Variants in NCKAP5 observed in about 807,000 individuals in gnomAD.
NCKAP5 encodes NCK associated protein 5, also known as nck-associated protein 5.
NCKAP5 carries 92 observed loss-of-function variants against 167.0 expected under a neutral mutation model. That is an observed-to-expected ratio of 0.55 (90% CI 0.47 to 0.66). The LOEUF is 0.66. Ranked by LOEUF, NCKAP5 falls within the 30% of genes least tolerant of loss-of-function variation. The pLI is 0.00. For missense variants in NCKAP5, 2,378 were observed against 2,315.0 expected (o/e 1.03, Z -0.56); for synonymous variants, 891 against 877.4 (o/e 1.02, Z -0.27).
chr2:132,856,345 AGCG>A lies in NCKAP5; in HGVS notation c.807+4144_807+4146del, dbSNP rs1164582203. Among the ~76,000 whole-genome samples, 328 of 152,318 alleles carry A rather than the reference AGCG, an allele frequency of 2.2e-3. 2 individuals carry two copies. Among genetic ancestry groups the A allele is most frequent in the African/African-American group, 7.4e-3 (307 of 41,574 alleles). On this transcript the variant is annotated intron_variant, in intron 11 of 19. Coordinates refer to ENST00000409261, the MANE Select transcript of NCKAP5 (RefSeq NM_207363.3). Reference sequence around the variant, plus strand: ...AAAATAAAGACTAAGAGAAAAAAAAAGCGGAACAAGTAGAATGTAAAAGCCCTC... The same window carrying A: ...AAAATAAAGACTAAGAGAAAAAAAAAGAACAAGTAGAATGTAAAAGCCCTC...
At chr2:133,049,300 C>T (rs1257391786) in intron 6 of NCKAP5, among the ~76,000 whole-genome samples, 2 of 152,140 alleles carry the variant, frequency 1.3e-5, no homozygotes. Flanking sequence ...AATCCCAACA[C>T]TTTGGGAAGC....
intron 7 of NCKAP5, among the ~76,000 whole-genome samples, chr2:132,984,753 T>C (rs929184096): frequency 2.0e-5 from 3 of 151,762 alleles, no homozygotes; most frequent in African/African-American, 7.3e-5. Flanking sequence ...TCACAAAGCA[T>C]TAATAAGCCA....
At chr2:132,727,433 TG>T (rs1166418791) in intron 18 of NCKAP5, among the ~76,000 whole-genome samples, 1 of 152,194 alleles carries the variant, frequency 6.6e-6, no homozygotes, top group Non-Finnish European at 1.5e-5. Flanking sequence ...CTGTGCAAAG[TG>T]TGTTCCATGG....
chr2:132,800,062 A>G (rs1684908673), intron 11 of NCKAP5, among the ~76,000 whole-genome samples: 1 of 152,208 alleles, frequency 6.6e-6, no homozygotes, highest in Non-Finnish European at 1.5e-5. Context: ...CATAATATAC[A>G]GGCATGTGTG....
chr2:133,402,269 C>T (rs1688152978), intron 3 of NCKAP5, among the ~76,000 whole-genome samples: 1 of 152,098 alleles, frequency 6.6e-6, no homozygotes, highest in Non-Finnish European at 1.5e-5. Flanking sequence ...TCCAGAAAAA[C>T]CCTAAAATAG....
intron 19 of NCKAP5, among the ~76,000 whole-genome samples, chr2:132,684,831 G>A (rs530824588): frequency 6.6e-6 from 1 of 152,236 alleles, no homozygotes; most frequent in East Asian, 1.9e-4. Context: ...CAGAGGGAGA[G>A]GGCACTGCTT....
chr2:133,309,577 T>C (rs186731275), intron 3 of NCKAP5, among the ~76,000 whole-genome samples: 177 of 152,374 alleles, frequency 1.2e-3, no homozygotes, highest in Non-Finnish European at 2.1e-3. Context: ...CTAAAACTTA[T>C]GCAAATTAGA....
chr2:133,369,996 C>T (rs187056515), intron 3 of NCKAP5, among the ~76,000 whole-genome samples: 19 of 152,248 alleles, frequency 1.2e-4, no homozygotes, highest in Middle Eastern at 3.4e-3. Context: ...AAACAGACAG[C>T]GCTTTGAATT....
At chr2:133,518,209 T>C (rs1390713438) in intron 2 of NCKAP5, among the ~76,000 whole-genome samples, 2 of 152,110 alleles carry the variant, frequency 1.3e-5, no homozygotes, top group Non-Finnish European at 2.9e-5. Flanking sequence ...ATCCCTGAAC[T>C]CCACTGAGAT....
chr2:132,943,096 C>G (rs1697422826), intron 8 of NCKAP5, among the ~76,000 whole-genome samples: 1 of 152,188 alleles, frequency 6.6e-6, no homozygotes, highest in Admixed American at 6.5e-5. Flanking sequence ...GGGTCTGAAC[C>G]TACCAGGGTC....
At chr2:133,602,314 A>G in the NCKAP5 span, among the ~76,000 whole-genome samples, 1 of 152,264 alleles carries the variant, frequency 6.6e-6, no homozygotes, top group South Asian at 2.1e-4. Flanking sequence ...AGCAAAGAAG[A>G]GAAGAATGAG....
chr2:133,010,500 CCT>C (rs1291920690), intron 6 of NCKAP5, among the ~76,000 whole-genome samples: 1 of 152,172 alleles, frequency 6.6e-6, no homozygotes, highest in Admixed American at 6.5e-5. Flanking sequence ...ATTTGCAGCC[CCT>C]GTCTCATTAT....
intron 3 of NCKAP5, among the ~76,000 whole-genome samples, chr2:133,480,544 A>C (rs1444362662): frequency 6.6e-6 from 1 of 152,092 alleles, no homozygotes; most frequent in Non-Finnish European, 1.5e-5. Context: ...ACATATTCAG[A>C]ATCTGGAAGT....
chr2:133,562,420 A>G (rs1688224935), intron 1 of NCKAP5, among the ~76,000 whole-genome samples: 1 of 152,218 alleles, frequency 6.6e-6, no homozygotes, highest in South Asian at 2.1e-4. Flanking sequence ...TGACAATGGA[A>G]ACCATTTGAG....
At chr2:133,543,209 CCT>C (rs1462345840) in intron 2 of NCKAP5, among the ~76,000 whole-genome samples, 1 of 151,938 alleles carries the variant, frequency 6.6e-6, no homozygotes, top group Non-Finnish European at 1.5e-5. Flanking sequence ...GGGCCTCCTC[CCT>C]CTCTCTCTTG....
At chr2:133,172,428 G>A (rs540557950) in intron 5 of NCKAP5, among the ~76,000 whole-genome samples, 1 of 152,180 alleles carries the variant, frequency 6.6e-6, no homozygotes, top group Admixed American at 6.5e-5. Context: ...CTTGCCACTT[G>A]CTGGAGGCTA....
chr2:133,276,012 C>T (rs1033831918), intron 4 of NCKAP5, among the ~76,000 whole-genome samples: 1 of 151,926 alleles, frequency 6.6e-6, no homozygotes. Flanking sequence ...ACTTCTATCA[C>T]CCCTGAGAGA....
intron 4 of NCKAP5, among the ~76,000 whole-genome samples, chr2:133,232,575 A>G (rs1217659694): frequency 6.6e-6 from 1 of 152,224 alleles, no homozygotes; most frequent in Non-Finnish European, 1.5e-5. Flanking sequence ...GCACAATACA[A>G]TAAGACCGTT....
At chr2:133,127,073 T>A (rs1244813764) in intron 6 of NCKAP5, among the ~76,000 whole-genome samples, 2 of 152,070 alleles carry the variant, frequency 1.3e-5, no homozygotes, top group Non-Finnish European at 2.9e-5. Context: ...AAGAAAAAAA[T>A]TATGAATATA....
Sources: allele counts gnomAD v4.1 joint callset (sites outside exome capture counted in the v4.1 genomes callset), GRCh38; gene constraint gnomAD v4.1.1; transcripts MANE v1.5; gene names NCBI Gene and HGNC (gene_info 2026-07-23, HGNC 2026-07-21).